DPYD: variants seen among roughly 807,000 people sequenced by gnomAD.
DPYD encodes dihydropyrimidine dehydrogenase [NADP(+)].
Under a neutral mutation model 116.2 loss-of-function variants are expected in DPYD, and 109 were observed. The ratio of observed to expected loss-of-function variants is 0.94; its 90% CI spans 0.80 to 1.10. DPYD has a LOEUF of 1.10. DPYD is among the 50% of genes least tolerant of loss of function. The pLI, the probability that DPYD is intolerant of heterozygous loss-of-function variation, is 0.00. For missense variants in DPYD, 1,302 were observed against 1,254.5 expected, an observed-to-expected ratio of 1.04 and a Z score of -0.57; for synonymous variants, 440 against 432.0, an observed-to-expected ratio of 1.02 and a Z score of -0.23.
intron 19 of DPYD, among the ~76,000 whole-genome samples, chr1:97,203,484 G>T (rs182880858): frequency 6.7e-6 from 1 of 149,800 alleles, no homozygotes; most frequent in Non-Finnish European, 1.5e-5. Context: ...GTTGTGGGGT[G>T]GGGGGAGGTG....
intron 8 of DPYD, among the ~76,000 whole-genome samples, chr1:97,601,606 A>G (rs947042147): frequency 6.6e-6 from 1 of 152,040 alleles, no homozygotes; most frequent in African/African-American, 2.4e-5. Context: ...ACAATGGATT[A>G]TAAAGTGTTT....
chr1:97,406,502 A>G (rs1001865535), intron 14 of DPYD, among the ~76,000 whole-genome samples: 2 of 151,768 alleles, frequency 1.3e-5, no homozygotes, highest in Admixed American at 6.6e-5. Context: ...TACTGCACCC[A>G]TCAATCCTTC....
At chr1:97,244,807 T>C (rs912696497) in intron 18 of DPYD, among the ~76,000 whole-genome samples, 2 of 151,978 alleles carry the variant, frequency 1.3e-5, no homozygotes, top group African/African-American at 4.8e-5. Flanking sequence ...CAAAGTAGAG[T>C]TATTGAGGAA....
intron 3 of DPYD, among the ~76,000 whole-genome samples, chr1:97,806,481 T>G (rs186654077): frequency 6.6e-6 from 1 of 152,060 alleles, no homozygotes; most frequent in East Asian, 1.9e-4. Flanking sequence ...ACTCAAATAT[T>G]TTGACTATTT....
At chr1:97,221,111 A>G (rs2101892343) in intron 19 of DPYD, among the ~76,000 whole-genome samples, 1 of 152,328 alleles carries the variant, frequency 6.6e-6, no homozygotes. Context: ...ATTACTTAAT[A>G]AAGACAAAAA....
At chr1:97,153,567 A>T (rs1655190526) in intron 20 of DPYD, among the ~76,000 whole-genome samples, 1 of 152,184 alleles carries the variant, frequency 6.6e-6, no homozygotes, top group Non-Finnish European at 1.5e-5. Flanking sequence ...CATTAAAAAA[A>T]ACCTTCTAGA....
intron 14 of DPYD, among the ~76,000 whole-genome samples, chr1:97,432,926 C>G (rs973101591): frequency 6.6e-6 from 1 of 152,124 alleles, no homozygotes; most frequent in Non-Finnish European, 1.5e-5. Flanking sequence ...AATCTCTTTA[C>G]TTATTGTTAA....
chr1:97,303,356 G>A (rs966473557), intron 18 of DPYD, among the ~76,000 whole-genome samples: 3 of 151,952 alleles, frequency 2.0e-5, no homozygotes, highest in Non-Finnish European at 4.4e-5. Flanking sequence ...CTGTGCTATG[G>A]TAAATTTTTT....
intron 8 of DPYD, among the ~76,000 whole-genome samples, chr1:97,634,684 A>G (rs915399122): frequency 1.3e-5 from 2 of 152,082 alleles, no homozygotes; most frequent in Non-Finnish European, 2.9e-5. Flanking sequence ...GCACCAAAGA[A>G]TAAAATAGAA....
intron 3 of DPYD, among the ~76,000 whole-genome samples, chr1:97,817,105 A>G (rs1349528033): frequency 3.3e-5 from 5 of 152,134 alleles, no homozygotes; most frequent in Admixed American, 1.3e-4. Flanking sequence ...GAACACAGCC[A>G]CATCAACACA....
intron 3 of DPYD, among the ~76,000 whole-genome samples, chr1:97,751,448 GTGTGTGTGTGTGTATATATATA>G (rs1328633228): frequency 3.5e-3 from 108 of 30,454 alleles, no homozygotes; most frequent in South Asian, 0.012. Flanking sequence ...GTGTGTGTGT[GTGTGTGTGTGTGTATATATATA>G]TATATATATA....
At chr1:97,505,054 T>C (rs1164422966) in intron 13 of DPYD, among the ~76,000 whole-genome samples, 2 of 151,972 alleles carry the variant, frequency 1.3e-5, no homozygotes, top group Admixed American at 1.3e-4. Flanking sequence ...AATAAATGTC[T>C]CCTTACCGAT....
intron 20 of DPYD, among the ~76,000 whole-genome samples, chr1:97,101,277 A>G (rs572494872): frequency 6.6e-6 from 1 of 152,062 alleles, no homozygotes; most frequent in Admixed American, 6.6e-5. Flanking sequence ...TTTCCTTATT[A>G]GTTTGAAAAT....
intron 3 of DPYD, among the ~76,000 whole-genome samples, chr1:97,775,713 G>A (rs1183697137): frequency 6.6e-6 from 1 of 152,060 alleles, no homozygotes; most frequent in Non-Finnish European, 1.5e-5. Flanking sequence ...TCCTCAGGAT[G>A]TCATCTTTGT....
intron 20 of DPYD, among the ~76,000 whole-genome samples, chr1:97,162,988 G>C (rs1437249455): frequency 2.6e-5 from 4 of 151,452 alleles, no homozygotes; most frequent in Non-Finnish European, 4.4e-5. Context: ...ATTCAAGATG[G>C]ATTAAAGACT....
At chr1:97,331,923 C>T (rs996666820) in intron 16 of DPYD, among the ~76,000 whole-genome samples, 74 of 152,224 alleles carry the variant, frequency 4.9e-4, no homozygotes, top group African/African-American at 1.5e-3. Context: ...GGAGTATTAA[C>T]GGGATATTCT....
intron 14 of DPYD, among the ~76,000 whole-genome samples, chr1:97,414,754 G>T (rs541112168): frequency 5.8e-4 from 88 of 152,290 alleles, no homozygotes; most frequent in African/African-American, 2.1e-3. Context: ...GCGAAATAGG[G>T]TCACAGCCTA....
At chr1:97,177,793 TATAATAAA>T (rs1657394132) in intron 20 of DPYD, among the ~76,000 whole-genome samples, 1 of 152,150 alleles carries the variant, frequency 6.6e-6, no homozygotes, top group African/African-American at 2.4e-5. Context: ...TTCAGGCTGC[TATAATAAA>T]ATACCATAAA....
At chr1:97,302,073 A>C (rs1262735216) in intron 18 of DPYD, among the ~76,000 whole-genome samples, 1 of 152,010 alleles carries the variant, frequency 6.6e-6, no homozygotes, top group Non-Finnish European at 1.5e-5. Context: ...CCTCTCTCCA[A>C]ACCCAATAAA....
Sources: gnomAD v4.1 joint callset for allele counts (sites outside exome capture counted in the v4.1 genomes callset) on GRCh38, gnomAD v4.1.1 for gene constraint, MANE v1.5 for transcripts, NCBI Gene and HGNC (gene_info 2026-07-23, HGNC 2026-07-21) for gene names.